The following CHLSN variants were observed in gnomAD, a reference collection of about 807,000 sequenced individuals.
CHLSN encodes the protein cholesin.
At chr7:1,097,162 G>A in the CHLSN span, among the ~76,000 whole-genome samples, 2 of 152,192 alleles carry the variant, frequency 1.3e-5, no homozygotes, top group South Asian at 2.1e-4. This position sits in a 1 kb window ranked among gnomAD's most constrained non-coding sequence, Gnocchi z 4.3. Flanking sequence ...ACAGACACAC[G>A]CTCACATGTT....
At chr7:1,016,775 GCAGCGCA>G in the CHLSN span, among the ~76,000 whole-genome samples, 1 of 72,750 alleles carries the variant, frequency 1.4e-5, no homozygotes, top group Non-Finnish European at 2.5e-5. Flanking sequence ...ACAGCGCACA[GCAGCGCA>G]CAGCACACAG....
the CHLSN span, among the ~76,000 whole-genome samples, chr7:1,084,628 TGGGAA>T: frequency 6.6e-6 from 1 of 151,906 alleles, no homozygotes; most frequent in Non-Finnish European, 1.5e-5. Context: ...CAGCAGTTGG[TGGGAA>T]GGGAAGCCTC....
the CHLSN span, among the ~76,000 whole-genome samples, chr7:1,115,830 G>GCCC: frequency 9.1e-6 from 1 of 109,748 alleles, no homozygotes; most frequent in Non-Finnish European, 1.9e-5. Flanking sequence ...CTCTAGGGAT[G>GCCC]GCTTCCATCA....
the CHLSN span, chr7:984,872 C>G: frequency 6.6e-7 from 1 of 1,505,414 alleles, no homozygotes; most frequent in African/African-American, 1.4e-5. Flanking sequence ...TGTCAGCCTG[C>G]TCACTTCCTG....
At chr7:1,021,721 T>C in the CHLSN span, 3 of 190,488 alleles carry the variant, frequency 1.6e-5, no homozygotes, top group African/African-American at 4.8e-5. Context: ...TCCCTACTTG[T>C]CACCAGACAG....
chr7:1,105,263 C>A, the CHLSN span, among the ~76,000 whole-genome samples: 1 of 152,182 alleles, frequency 6.6e-6, no homozygotes, highest in African/African-American at 2.4e-5. Flanking sequence ...AACTGACATG[C>A]CCTTCGAACG....
At chr7:1,052,518 G>A in the CHLSN span, among the ~76,000 whole-genome samples, 1 of 152,166 alleles carries the variant, frequency 6.6e-6, no homozygotes, top group East Asian at 1.9e-4. This position sits in a 1 kb window ranked among gnomAD's most constrained non-coding sequence, Gnocchi z 4.2. Flanking sequence ...GAGGAGCAGG[G>A]CCTGGCGGAA....
chr7:1,000,464 A>G, the CHLSN span: 1 of 1,596,210 alleles, frequency 6.3e-7, no homozygotes, highest in Non-Finnish European at 8.5e-7. Context: ...CCCGCCGTGC[A>G]CACACCTTGT....
At chr7:1,016,832 GCA>G in the CHLSN span, among the ~76,000 whole-genome samples, 3 of 117,680 alleles carry the variant, frequency 2.5e-5, no homozygotes, top group African/African-American at 1.2e-4. Context: ...GCAGCGCACA[GCA>G]GCGCACGCCA....
the CHLSN span, among the ~76,000 whole-genome samples, chr7:1,071,167 C>T: frequency 6.6e-6 from 1 of 152,254 alleles, no homozygotes; most frequent in Non-Finnish European, 1.5e-5. Context: ...TCAAGCAAAG[C>T]CACACTGACA....
chr7:1,016,080 C>A, the CHLSN span, among the ~76,000 whole-genome samples: 1 of 133,458 alleles, frequency 7.5e-6, no homozygotes, highest in Non-Finnish European at 1.6e-5. Context: ...CGCACAGCAG[C>A]ACACAGCAGC....
the CHLSN span, among the ~76,000 whole-genome samples, chr7:1,064,244 G>A: frequency 6.6e-6 from 1 of 152,136 alleles, no homozygotes; most frequent in Non-Finnish European, 1.5e-5. Flanking sequence ...ACACAGCGCC[G>A]GGTCCTGATG....
At chr7:1,092,339 C>G in the CHLSN span, 4 of 1,611,418 alleles carry the variant, frequency 2.5e-6, no homozygotes, top group South Asian at 1.1e-5. Context: ...ACCGACGAGG[C>G]CTGCTTCTGT....
chr7:984,663 T>A, the CHLSN span: 1 of 1,480,866 alleles, frequency 6.8e-7, no homozygotes, highest in Non-Finnish European at 8.9e-7. Context: ...CGGGAGAGGC[T>A]CCCAGGGTGG....
the CHLSN span, chr7:986,518 C>A: frequency 7.4e-7 from 1 of 1,355,072 alleles, no homozygotes; most frequent in South Asian, 1.3e-5. Flanking sequence ...GCACATCCAC[C>A]CAGAGTCCCT....
chr7:1,006,717 C>T, the CHLSN span, among the ~76,000 whole-genome samples: 2 of 151,200 alleles, frequency 1.3e-5, no homozygotes, highest in Admixed American at 6.6e-5. Context: ...GAGCGCATGA[C>T]GGTCACAGCG....
the CHLSN span, among the ~76,000 whole-genome samples, chr7:1,053,406 GCTGTGAGGGT>G: frequency 1.8e-4 from 27 of 152,390 alleles, no homozygotes; most frequent in East Asian, 4.8e-3. Flanking sequence ...AGCTGGGTTG[GCTGTGAGGGT>G]CGGGCACGCG....
At chr7:1,060,034 GTAGTGAGGCGGGTCT>G in the CHLSN span, among the ~76,000 whole-genome samples, 7 of 111,064 alleles carry the variant, frequency 6.3e-5, no homozygotes, top group South Asian at 6.2e-4. Flanking sequence ...AAGCGGGTCC[GTAGTGAGGCGGGTCT>G]TAGTGAGGCG....
chr7:1,024,198 A>C, the CHLSN span, among the ~76,000 whole-genome samples: 1 of 152,204 alleles, frequency 6.6e-6, no homozygotes, highest in Middle Eastern at 3.4e-3. Flanking sequence ...CACAGCCCCC[A>C]CTTTCTTCCT....
Sources: allele counts gnomAD v4.1 joint callset (sites outside exome capture counted in the v4.1 genomes callset), GRCh38; gene constraint gnomAD v4.1.1; non-coding constraint Gnocchi (gnomAD v3.1); transcripts MANE v1.5; gene names NCBI Gene and HGNC (gene_info 2026-07-23, HGNC 2026-07-21).